The following HIKESHI variants were observed in gnomAD, a reference collection of about 807,000 sequenced individuals.
The protein encoded by HIKESHI is heat shock protein nuclear import factor hikeshi.
In HIKESHI, 13 loss-of-function variants were observed where a neutral mutation model predicts 25.7. That is an observed-to-expected ratio of 0.51 (90% CI 0.33 to 0.80). HIKESHI has a LOEUF of 0.80. Among genes scored for constraint, HIKESHI ranks in the 30% least tolerant of loss-of-function variants. The pLI is 0.02. For synonymous variants in HIKESHI, 76 were observed against 78.7 expected (o/e 0.97, Z 0.18); for missense variants, 174 against 229.5 (o/e 0.76, Z 1.56).
At chr11:86,339,749 G>GT (rs538646000) in intron 3 of HIKESHI, among the ~76,000 whole-genome samples, 89 of 151,710 alleles carry the variant, frequency 5.9e-4, no homozygotes, top group South Asian at 1.0e-3. Flanking sequence ...TAGTCAAATA[G>GT]TTTTTTTTTA....
rs911622308 is a variant in HIKESHI at position 86,308,493 on chromosome 11, A to G, written c.268+2011A>G. 2.9e-4 allele frequency among the ~76,000 whole-genome samples: 43 copies of G among 148,660 alleles called. 1 individual carries two copies. Among genetic ancestry groups the G allele is most frequent in the African/African-American group, 9.4e-4 (38 of 40,626 alleles). On this transcript the variant is annotated intron_variant, in intron 2 of 4. Transcript: ENST00000278483. ...TATTTTCTTCCGTTAAGATTGTTGA[A>G]CGAGATTTGATCACCCTGCCAATGT...
intron 2 of HIKESHI, among the ~76,000 whole-genome samples, chr11:86,323,111 C>A (rs554932574): frequency 2.6e-5 from 4 of 151,880 alleles, no homozygotes; most frequent in Non-Finnish European, 5.9e-5. Context: ...GCCTCTGGTC[C>A]CAGCTATTTG....
rs1565719985 is a variant in HIKESHI, at chr11:86,307,958, T to TATATATATTATGTGTAATATATATTA, written c.268+1476_268+1477insATATATATTATGTGTAATATATATTA. On this transcript the variant is annotated intron_variant, in intron 2 of 4. Transcript: ENST00000278483. ...AAATATATATTATGTGTAATATATA[T>TATATATATTATGTGTAATATATATTA]TATATAAAATATATATGTGTAATAT... is the stretch of plus-strand genomic sequence containing the variant. 2.5e-4 allele frequency among the ~76,000 whole-genome samples: 4 copies of TATATATATTATGTGTAATATATATTA among 15,740 alleles called. 1 individual carries two copies. Among genetic ancestry groups the TATATATATTATGTGTAATATATATTA allele is most frequent in the African/African-American group, 1.5e-3 (4 of 2,714 alleles). 10.3% of individuals were successfully genotyped at this position (15,740 alleles called of 152,430 possible). A position where few individuals can be genotyped will look rare whatever the true frequency, so the allele number is the denominator to read the frequency against.
intron 1 of HIKESHI, among the ~76,000 whole-genome samples, chr11:86,305,802 A>G (rs291245): frequency 0.62 from 94,305 of 151,876 alleles, 29,435 homozygotes; most frequent in East Asian, 0.79. Context: ...GTGCAATGGT[A>G]TGGTCTCAGC....
At chr11:86,324,403 A>G (rs1344877669) in intron 2 of HIKESHI, 1 of 152,212 alleles carries the variant, frequency 6.6e-6, no homozygotes, top group Non-Finnish European at 1.5e-5. Flanking sequence ...TTTCAGGGCA[A>G]TATTTGTGAT....
chr11:86,344,132 G>C (rs1406345757), intron 3 of HIKESHI: 1 of 152,338 alleles, frequency 6.6e-6, no homozygotes, highest in African/African-American at 2.4e-5. Flanking sequence ...AGACTTCTTA[G>C]AGATGGTTAC....
chr11:86,335,924 A>G lies in HIKESHI; in HGVS notation c.269-1455A>G, dbSNP rs148230150. On this transcript the variant is annotated intron_variant, in intron 2 of 4. Transcript: ENST00000278483. ...CAAAGTAAGGCTCTTATACAGAGGA[A>G]ACGAACAGAAACTTCCCCCAGGGAA... Among the ~76,000 whole-genome samples, 981 of 152,326 alleles carry G rather than the reference A, an allele frequency of 6.4e-3. 13 individuals carry two copies. Among genetic ancestry groups the G allele is most frequent in the African/African-American group, 0.022 (902 of 41,584 alleles).
At chr11:86,339,517 G>A (rs1285551689) in intron 3 of HIKESHI, among the ~76,000 whole-genome samples, 5 of 152,104 alleles carry the variant, frequency 3.3e-5, no homozygotes, top group Non-Finnish European at 7.4e-5. Context: ...TTTTAAAAAA[G>A]AAATTAAGGC....
intron 2 of HIKESHI, among the ~76,000 whole-genome samples, chr11:86,328,211 T>C (rs1240133891): frequency 6.6e-6 from 1 of 152,196 alleles, no homozygotes; most frequent in African/African-American, 2.4e-5. Flanking sequence ...CTAAGTGTAA[T>C]ATTTTCCTTT....
At chr11:86,339,922 C>T (rs568010163) in intron 3 of HIKESHI, among the ~76,000 whole-genome samples, 7 of 151,522 alleles carry the variant, frequency 4.6e-5, no homozygotes, top group South Asian at 2.1e-4. Flanking sequence ...CAGACCCGCC[C>T]GCCGTGTGTG....
chr11:86,303,352 T>A, intron 1 of HIKESHI: 1 of 948,740 alleles, frequency 1.1e-6, no homozygotes, highest in Non-Finnish European at 1.3e-6. Flanking sequence ...TCTGTACATA[T>A]ACAGTTCTAA....
chr11:86,312,634 A>G (rs1320290161), intron 2 of HIKESHI, among the ~76,000 whole-genome samples: 1 of 152,132 alleles, frequency 6.6e-6, no homozygotes, highest in African/African-American at 2.4e-5. Flanking sequence ...TTGTTAGTTT[A>G]TGCAGTTTCT....
chr11:86,337,586 T>A, intron 3 of HIKESHI, 56 bp downstream of exon 3: 1 of 1,514,184 alleles, frequency 6.6e-7, no homozygotes, highest in Admixed American at 2.0e-5. Context: ...TATTAAGGTA[T>A]AATATACAAG....
chr11:86,327,407 C>T (rs910289698), intron 2 of HIKESHI, among the ~76,000 whole-genome samples: 13 of 152,194 alleles, frequency 8.5e-5, no homozygotes, highest in East Asian at 5.8e-4. Flanking sequence ...CTCCGCCTCC[C>T]GGGTTCACAC....
rs139179076 is a variant in HIKESHI at position 86,311,430 on chromosome 11, G to T, written c.268+4948G>T. Among the ~76,000 whole-genome samples, 1,258 of 152,134 alleles carry T rather than the reference G, an allele frequency of 8.3e-3. 10 individuals are homozygous for T. The highest frequency in any genetic ancestry group is 0.016 in the South Asian group (76 of 4,824). ...TATCCCCTTTATCATTTTTTATTGA[G>T]TCTATTTGATTCTTCTCTCTTTTCT... On this transcript the variant is annotated intron_variant, in intron 2 of 4. Transcript: ENST00000278483.
intron 2 of HIKESHI, among the ~76,000 whole-genome samples, chr11:86,336,467 G>T (rs1024291118): frequency 6.6e-6 from 1 of 152,114 alleles, no homozygotes; most frequent in Non-Finnish European, 1.5e-5. Flanking sequence ...AGAGTAATAA[G>T]AAGATCACTT....
At position 86,343,124 on chromosome 11, in the gene HIKESHI, C is replaced by T. The variant is rs550228193; in HGVS notation, c.421-1479C>T. Among the ~76,000 whole-genome samples the T allele has an allele frequency of 1.8e-3, 275 of 152,004 alleles. 1 individual carries two copies. The highest frequency in any genetic ancestry group is 6.5e-3 in the African/African-American group (270 of 41,462). On this transcript the variant is annotated intron_variant, in intron 3 of 4. Transcript: ENST00000278483. ...CCATTGAAAATGGTATATATAGGTC[C>T]TTTTGTTTTCTTTTCTGTCTCTTAG... is the stretch of plus-strand genomic sequence containing the variant.
At chr11:86,308,345 T>TAC (rs1415250094) in intron 2 of HIKESHI, among the ~76,000 whole-genome samples, 1 of 128,680 alleles carries the variant, frequency 7.8e-6, no homozygotes, top group African/African-American at 2.9e-5. Context: ...ATATATATTA[T>TAC]ATAAAATATA....
chr11:86,331,326 TAA>T (rs1453237816), intron 2 of HIKESHI, among the ~76,000 whole-genome samples: 3 of 152,040 alleles, frequency 2.0e-5, no homozygotes, highest in Non-Finnish European at 4.4e-5. Context: ...CCATGTCTAC[TAA>T]AAATACAAAA....
Sources: gnomAD v4.1 joint callset for allele counts (sites outside exome capture counted in the v4.1 genomes callset) on GRCh38, gnomAD v4.1.1 for gene constraint, MANE v1.5 for transcripts, NCBI Gene and HGNC (gene_info 2026-07-23, HGNC 2026-07-21) for gene names.